CRB1: variants seen among roughly 807,000 people sequenced by gnomAD.
CRB1 encodes the protein crumbs cell polarity complex component 1.
A neutral mutation model predicts 120.0 loss-of-function variants in CRB1; 83 were observed. That is an observed-to-expected ratio of 0.69 (90% CI 0.58 to 0.83). CRB1 has a LOEUF of 0.83. Among genes scored for constraint, CRB1 ranks in the 40% least tolerant of loss-of-function variants. The probability of loss-of-function intolerance (pLI) is 0.00; values close to 1 mark genes in which losing one functional copy is unlikely to be tolerated. For missense variants in CRB1, 1,699 were observed against 1,687.6 expected (o/e 1.01, Z -0.12); for synonymous variants, 625 against 612.5 (o/e 1.02, Z -0.30).
At chr1:197,425,237 A>AT (rs1365683020) in intron 6 of CRB1, among the ~76,000 whole-genome samples, 2 of 152,198 alleles carry the variant, frequency 1.3e-5, no homozygotes, top group African/African-American at 4.8e-5. Flanking sequence ...CAAAGGGGTT[A>AT]TTTTATCTAA....
At chr1:197,347,085 C>G (rs1659818553) in intron 3 of CRB1, among the ~76,000 whole-genome samples, 1 of 152,058 alleles carries the variant, frequency 6.6e-6, no homozygotes, top group African/African-American at 2.4e-5. Context: ...GTACTATATT[C>G]AATTTATGAA....
intron 5 of CRB1, among the ~76,000 whole-genome samples, chr1:197,410,654 A>T (rs1663661416): frequency 1.3e-5 from 2 of 152,192 alleles, no homozygotes; most frequent in Admixed American, 1.3e-4. Flanking sequence ...ATTTATGAAA[A>T]TGTCAACTCT....
At chr1:197,328,306 C>G (rs1298646008) in intron 1 of CRB1, 116 bp from the exon 2 acceptor site, 3 of 779,296 alleles carry the variant, frequency 3.8e-6, no homozygotes, top group Non-Finnish European at 4.2e-6. Flanking sequence ...TAGGATGAAC[C>G]CAACTATGTA....
chr1:197,298,097 G>C (rs1656644428), intron 1 of CRB1, among the ~76,000 whole-genome samples: 1 of 152,030 alleles, frequency 6.6e-6, no homozygotes. Context: ...GAGATAAAGA[G>C]GGTTATGTTA....
At chr1:197,424,050 G>T (rs2125476271) in intron 6 of CRB1, among the ~76,000 whole-genome samples, 2 of 152,150 alleles carry the variant, frequency 1.3e-5, no homozygotes, top group South Asian at 4.2e-4. Flanking sequence ...ACTTACAAAA[G>T]CAATTTACAT....
At chr1:197,422,068 G>A in intron 6 of CRB1, 112 bp downstream of exon 6, 1 of 963,012 alleles carries the variant, frequency 1.0e-6, no homozygotes, top group South Asian at 1.5e-5. Context: ...GACCCCACAA[G>A]ACTTCTGCTG....
intron 5 of CRB1, among the ~76,000 whole-genome samples, chr1:197,391,754 G>C (rs1662517269): frequency 1.3e-5 from 2 of 151,968 alleles, no homozygotes; most frequent in Admixed American, 1.3e-4. Context: ...TAATTGAAAG[G>C]CTTTCAAAGA....
intron 11 of CRB1, among the ~76,000 whole-genome samples, chr1:197,446,324 T>C (rs1665700503): frequency 6.6e-6 from 1 of 152,156 alleles, no homozygotes. Context: ...CAAGGAAAGT[T>C]TCCTGAAGCC....
chr1:197,388,271 C>CA (rs1571450454), intron 5 of CRB1, among the ~76,000 whole-genome samples: 2 of 151,836 alleles, frequency 1.3e-5, no homozygotes, highest in African/African-American at 4.8e-5. Flanking sequence ...AAATAAATGG[C>CA]AAAAGCACAT....
At chr1:197,449,687 T>C (rs753913447) in intron 11 of CRB1, among the ~76,000 whole-genome samples, 4 of 152,174 alleles carry the variant, frequency 2.6e-5, no homozygotes, top group Non-Finnish European at 5.9e-5. Flanking sequence ...TATTTTATTT[T>C]GGCAGGCAGT....
At chr1:197,324,932 G>T (rs1277380678) in intron 1 of CRB1, among the ~76,000 whole-genome samples, 2 of 152,122 alleles carry the variant, frequency 1.3e-5, no homozygotes, top group Non-Finnish European at 2.9e-5. Flanking sequence ...AAGGAAAAAT[G>T]GTCTTAAAGG....
chr1:197,357,688 T>C (rs890020278), intron 5 of CRB1: 1 of 153,862 alleles, frequency 6.5e-6, no homozygotes, highest in East Asian at 1.9e-4. Flanking sequence ...ATCATATTTC[T>C]TTCTCAATAG....
At chr1:197,239,429 G>A in the CRB1 span, among the ~76,000 whole-genome samples, 1 of 152,040 alleles carries the variant, frequency 6.6e-6, no homozygotes, top group Non-Finnish European at 1.5e-5. Context: ...ATTTAGGAAT[G>A]CAATATATTC....
intron 5 of CRB1, among the ~76,000 whole-genome samples, chr1:197,358,631 G>C (rs1660610561): frequency 6.6e-6 from 1 of 152,124 alleles, no homozygotes; most frequent in South Asian, 2.1e-4. Flanking sequence ...GCAATTCAGG[G>C]TCACAGGCTC....
At chr1:197,363,186 G>T (rs1660869766) in intron 5 of CRB1, among the ~76,000 whole-genome samples, 1 of 151,248 alleles carries the variant, frequency 6.6e-6, no homozygotes, top group Non-Finnish European at 1.5e-5. Flanking sequence ...TTGAGGATCA[G>T]ATGGTGTTAT....
intron 1 of CRB1, among the ~76,000 whole-genome samples, chr1:197,298,219 AC>A (rs1265210918): frequency 5.9e-5 from 9 of 152,290 alleles, no homozygotes; most frequent in African/African-American, 2.2e-4. Context: ...GCAAGACCCT[AC>A]AGGGAAGTAA....
intron 2 of CRB1, 74 bp from the exon 3 acceptor site, chr1:197,344,207 C>T (rs1226085822): frequency 2.1e-5 from 29 of 1,364,734 alleles, no homozygotes; most frequent in Non-Finnish European, 2.7e-5. Flanking sequence ...GTAAACAAAG[C>T]ATTGTCAAAT....
intron 11 of CRB1, among the ~76,000 whole-genome samples, chr1:197,452,380 A>G (rs1356960916): frequency 6.6e-6 from 1 of 152,200 alleles, no homozygotes; most frequent in Non-Finnish European, 1.5e-5. Context: ...TAGTCTAATG[A>G]TATTAAAAGT....
chr1:197,319,223 A>T (rs1183950596), intron 1 of CRB1, among the ~76,000 whole-genome samples: 3 of 142,682 alleles, frequency 2.1e-5, no homozygotes, highest in African/African-American at 7.9e-5. Flanking sequence ...GGAGTTTGAG[A>T]CCAGCCTGGC....
Sources: allele counts gnomAD v4.1 joint callset (sites outside exome capture counted in the v4.1 genomes callset), GRCh38; gene constraint gnomAD v4.1.1; transcripts MANE v1.5; gene names NCBI Gene and HGNC (gene_info 2026-07-23, HGNC 2026-07-21).